GNA12: variants seen among roughly 807,000 people sequenced by gnomAD.
GNA12 encodes G protein subunit alpha 12.
A neutral mutation model predicts 26.0 loss-of-function variants in GNA12; 9 were observed. The observed-to-expected ratio is 0.35, with a 90% CI of 0.21 to 0.60. GNA12 has a LOEUF of 0.60. Ranked by LOEUF, GNA12 falls within the 20% of genes least tolerant of loss-of-function variation. GNA12 has a pLI of 0.78. For synonymous variants in GNA12, 264 were observed against 219.6 expected, an observed-to-expected ratio of 1.20 and a Z score of -1.79; for missense variants, 405 against 525.8, an observed-to-expected ratio of 0.77 and a Z score of 2.25.
intron 2 of GNA12, chr7:2,762,906 G>C: frequency 7.0e-7 from 1 of 1,421,206 alleles, no homozygotes; most frequent in African/African-American, 1.5e-5. Flanking sequence ...GCGGCGGGGA[G>C]AAGAGGCCAC....
chr7:2,792,942 G>A (rs1474640315), intron 2 of GNA12, among the ~76,000 whole-genome samples: 1 of 152,172 alleles, frequency 6.6e-6, no homozygotes, highest in Non-Finnish European at 1.5e-5. Context: ...ACTTCCCAGT[G>A]GAGAAAGGTG....
intron 2 of GNA12, among the ~76,000 whole-genome samples, chr7:2,753,294 T>C (rs971811638): frequency 3.9e-5 from 6 of 152,120 alleles, no homozygotes; most frequent in Non-Finnish European, 8.8e-5. Context: ...GCTGGGACTA[T>C]AGGTGCATGC....
In GNA12 at chr7:2,731,281, T is replaced by C; in HGVS notation, c.1046A>G (p.His349Arg). 6.2e-7 allele frequency: 1 copy of C among 1,607,324 alleles called. No individual in the cohort carries two copies. Among genetic ancestry groups the C allele is most frequent in the Non-Finnish European group, 8.5e-7 (1 of 1,177,246 alleles). Residue 349 changes from histidine (H) to arginine (R), a missense_variant, in exon 4 of 4, where the codon CAC becomes CGC. His to Arg is a conservative substitution (Grantham distance 29). Coordinates refer to ENST00000275364, the MANE Select transcript of GNA12 (RefSeq NM_007353.3). The surrounding 1 kb of genome is among the most constrained non-coding windows in gnomAD (Gnocchi z 6.0). ...CTCGGTGTCGATGGCGGTGGTGAAG[T>C]GGTGGAAGAGTGGCTTGCTGCGGTT... ...RRNRSKPLFH[H>R]FTTAIDTENV...
intron 2 of GNA12, among the ~76,000 whole-genome samples, chr7:2,735,334 C>A (rs922765037): frequency 3.3e-5 from 5 of 152,186 alleles, no homozygotes; most frequent in African/African-American, 7.2e-5. Context: ...GTGGTGGCAC[C>A]AGGCACGAAG....
intron 2 of GNA12, among the ~76,000 whole-genome samples, chr7:2,772,181 A>C (rs1443499306): frequency 6.6e-6 from 1 of 152,264 alleles, no homozygotes; most frequent in Non-Finnish European, 1.5e-5. Context: ...AGAATTCCCA[A>C]GAAAATGACC....
At chr7:2,734,813 G>C (rs538970600) in intron 2 of GNA12, among the ~76,000 whole-genome samples, 1 of 152,296 alleles carries the variant, frequency 6.6e-6, no homozygotes, top group South Asian at 2.1e-4. Flanking sequence ...TGGCAGGACG[G>C]GGCGAGCACG....
intron 2 of GNA12, chr7:2,794,592 G>A (rs1182126740): frequency 3.6e-6 from 1 of 277,998 alleles, no homozygotes; most frequent in Non-Finnish European, 6.8e-6. Context: ...AAAGTGGGAA[G>A]CTGTTGTGGG....
chr7:2,837,728 T>C (rs1778877741), intron 1 of GNA12, among the ~76,000 whole-genome samples: 1 of 152,062 alleles, frequency 6.6e-6, no homozygotes, highest in South Asian at 2.1e-4. Context: ...AGAGAATCTG[T>C]TGCAAGCAAA....
rs150915183 is a variant in GNA12 at position 2,772,035 on chromosome 7, T to G, written c.525+22893A>C. 5.9e-5 allele frequency among the ~76,000 whole-genome samples: 9 copies of G among 152,372 alleles called. No homozygotes were observed. The East Asian group carries it at 1.7e-3, about 29-fold the overall frequency. ...GTGTGTCATGACTGATGACGTCGAC[T>G]GAGCATCTTTTCATGTGTTATTTGC... is the stretch of plus-strand genomic sequence containing the variant. On this transcript the variant is annotated intron_variant, in intron 2 of 3. Coordinates refer to ENST00000275364, the MANE Select transcript of GNA12 (RefSeq NM_007353.3).
rs148095445 is a variant in GNA12, at chr7:2,795,747, G to C, written c.310-604C>G. On this transcript the variant is annotated intron_variant, in intron 1 of 3. Coordinates refer to ENST00000275364, the MANE Select transcript of GNA12 (RefSeq NM_007353.3). Reference sequence around the variant, plus strand: ...AAAGCTACTGGAAAAAAGACAACTGGGCGGGGAGGAGGTGGCAACAATTTC... The same window carrying C: ...AAAGCTACTGGAAAAAAGACAACTGCGCGGGGAGGAGGTGGCAACAATTTC... Among the ~76,000 whole-genome samples the C allele has an allele frequency of 9.6e-4, 146 of 151,920 alleles. 1 individual carries two copies. Among genetic ancestry groups the C allele is most frequent in the African/African-American group, 3.3e-3 (137 of 41,446 alleles).
chr7:2,738,847 G>C (rs191103662), intron 2 of GNA12, among the ~76,000 whole-genome samples: 1 of 152,108 alleles, frequency 6.6e-6, no homozygotes, highest in Non-Finnish European at 1.5e-5. Flanking sequence ...TTGTTTTTTT[G>C]TTTTTTGCCA....
At chr7:2,824,476 A>T (rs1003882976) in intron 1 of GNA12, among the ~76,000 whole-genome samples, 1 of 152,076 alleles carries the variant, frequency 6.6e-6, no homozygotes, top group East Asian at 1.9e-4. Context: ...TGACATGGAC[A>T]CGCTCTCGCC....
chr7:2,830,280 C>T (rs907578712), intron 1 of GNA12, among the ~76,000 whole-genome samples: 5 of 152,318 alleles, frequency 3.3e-5, no homozygotes, highest in African/African-American at 4.8e-5. Flanking sequence ...CATGCTCATA[C>T]GAGTCTCAAT....
intron 1 of GNA12, chr7:2,814,755 A>G: frequency 1.1e-6 from 1 of 887,018 alleles, no homozygotes; most frequent in Admixed American, 2.3e-5. Context: ...GAAGTTTATC[A>G]GCCTGTCCAA....
chr7:2,762,781 A>T, intron 2 of GNA12: 1 of 1,543,768 alleles, frequency 6.5e-7, no homozygotes, highest in Admixed American at 2.0e-5. Context: ...CCCAGGCTGT[A>T]CAAAAGGGAG....
intron 1 of GNA12, chr7:2,815,115 G>A: frequency 5.3e-6 from 5 of 945,402 alleles, no homozygotes; most frequent in Non-Finnish European, 7.6e-6. Flanking sequence ...TTGCCCGCAT[G>A]AGGCTTCCAA....
At position 2,785,512 on chromosome 7, in the gene GNA12, GAAAGT is replaced by G. The variant is rs201918137; in HGVS notation, c.525+9411_525+9415del. On this transcript the variant is annotated intron_variant, in intron 2 of 3. Coordinates refer to ENST00000275364, the MANE Select transcript of GNA12 (RefSeq NM_007353.3). ...ATATACAGTACCAAACCAAAACTAA[GAAAGT>G]AAATTCTGATGGTTTAATATCTGAA... Among the ~76,000 whole-genome samples, 66 of 152,304 alleles carry G rather than the reference GAAAGT, an allele frequency of 4.3e-4. 1 individual carries two copies. The East Asian group carries it at 0.013, about 29-fold the overall frequency.
At chr7:2,832,975 T>C (rs1351657791) in intron 1 of GNA12, among the ~76,000 whole-genome samples, 1 of 152,168 alleles carries the variant, frequency 6.6e-6, no homozygotes, top group African/African-American at 2.4e-5. Context: ...TAACACAGGA[T>C]ACAAGTCATG....
chr7:2,773,465 G>A (rs752853499), intron 2 of GNA12, among the ~76,000 whole-genome samples: 10 of 152,174 alleles, frequency 6.6e-5, no homozygotes, highest in Non-Finnish European at 1.2e-4. Flanking sequence ...GGGAGGCTGA[G>A]GCAGGAGAAT....
Sources: allele counts gnomAD v4.1 joint callset (sites outside exome capture counted in the v4.1 genomes callset), GRCh38; gene constraint gnomAD v4.1.1; non-coding constraint Gnocchi (gnomAD v3.1); transcripts MANE v1.5; gene names NCBI Gene and HGNC (gene_info 2026-07-23, HGNC 2026-07-21).